Variants in TENM3 observed in about 807,000 individuals in gnomAD.
TENM3 encodes teneurin transmembrane protein 3, also known as teneurin-3.
In TENM3, 63 loss-of-function variants were observed where a neutral mutation model predicts 255.1. The observed-to-expected ratio is 0.25, with a 90% confidence interval of 0.20 to 0.30. The LOEUF (loss-of-function observed/expected upper bound fraction) is 0.30, where lower values mean the gene tolerates loss of function less well. Among genes scored for constraint, TENM3 ranks in the 10% least tolerant of loss-of-function variants. The pLI, the probability that TENM3 is intolerant of heterozygous loss-of-function variation, is 1.00. For synonymous variants in TENM3, 1,306 were observed against 1,322.3 expected (o/e 0.99, Z 0.27); for missense variants, 2,929 against 3,461.1 (o/e 0.85, Z 3.86).
the TENM3 span, among the ~76,000 whole-genome samples, chr4:181,896,391 A>T: frequency 2.0e-5 from 3 of 152,168 alleles, no homozygotes; most frequent in Admixed American, 6.5e-5. Flanking sequence ...AAACTTTGTG[A>T]TTCTGAGATA....
intron 3 of TENM3, among the ~76,000 whole-genome samples, chr4:182,454,550 C>T (rs1230950654): frequency 6.6e-6 from 1 of 152,116 alleles, no homozygotes; most frequent in African/African-American, 2.4e-5. Context: ...TTGCCAACCT[C>T]GATTTTAGCA....
rs200321926 is a variant in TENM3, at chr4:182,698,749, AAGAC to A, written c.2221+10401_2221+10404del. 2.3e-4 allele frequency among the ~76,000 whole-genome samples: 35 copies of A among 152,312 alleles called. No individual in the cohort carries two copies. In the East Asian group the frequency reaches 5.2e-3, roughly 23 times the overall value. On this transcript the variant is annotated intron_variant, in intron 12 of 27. Coordinates refer to ENST00000511685, the MANE Select transcript of TENM3 (RefSeq NM_001080477.4). ...CATGCCGTAATTTATCCTCATGAAAAAGACAGGCAGCAGCATAGTCATCAGCTAG... is the reference window on the plus strand; with the variant it reads ...CATGCCGTAATTTATCCTCATGAAAAAGGCAGCAGCATAGTCATCAGCTAG...
At chr4:181,558,057 G>GT in the TENM3 span, among the ~76,000 whole-genome samples, 1 of 152,184 alleles carries the variant, frequency 6.6e-6, no homozygotes, top group African/African-American at 2.4e-5. Flanking sequence ...TTCCAAAGCA[G>GT]TTGGGAGATG....
chr4:181,566,263 C>A, the TENM3 span, among the ~76,000 whole-genome samples: 3 of 152,146 alleles, frequency 2.0e-5, no homozygotes, highest in African/African-American at 7.2e-5. Context: ...AGAACACTTA[C>A]TAATATGCAA....
At chr4:181,657,359 G>A in the TENM3 span, among the ~76,000 whole-genome samples, 29 of 152,186 alleles carry the variant, frequency 1.9e-4, no homozygotes, top group African/African-American at 6.5e-4. Flanking sequence ...ACAGGCAAAG[G>A]ACATGAACAG....
At chr4:181,638,932 T>A in the TENM3 span, among the ~76,000 whole-genome samples, 1 of 152,236 alleles carries the variant, frequency 6.6e-6, no homozygotes, top group East Asian at 1.9e-4. Context: ...GAAAGACTGT[T>A]CATGCATGAA....
chr4:182,137,854 G>A, the TENM3 span, among the ~76,000 whole-genome samples: 1 of 152,148 alleles, frequency 6.6e-6, no homozygotes, highest in East Asian at 1.9e-4. Context: ...CAAAGTCTAA[G>A]CTCTAAATTT....
At chr4:182,366,464 A>G (rs531372435) in intron 3 of TENM3, among the ~76,000 whole-genome samples, 1 of 149,548 alleles carries the variant, frequency 6.7e-6, no homozygotes, top group East Asian at 1.9e-4. Flanking sequence ...GAATTTTGTA[A>G]TGTAATAGTT....
chr4:181,531,583 G>A, the TENM3 span, among the ~76,000 whole-genome samples: 5 of 152,178 alleles, frequency 3.3e-5, no homozygotes, highest in Admixed American at 2.0e-4. Flanking sequence ...TCTAGACACT[G>A]TGGAAAGCTC....
chr4:181,988,094 C>T, the TENM3 span, among the ~76,000 whole-genome samples: 1 of 151,996 alleles, frequency 6.6e-6, no homozygotes, highest in Admixed American at 6.6e-5. Flanking sequence ...AGGATCTGTC[C>T]CTCGCCTCTC....
chr4:182,346,548 T>A (rs1458650521), intron 2 of TENM3, 103 bp from the exon 3 acceptor site: 9 of 1,062,384 alleles, frequency 8.5e-6, no homozygotes, highest in African/African-American at 1.6e-5. Flanking sequence ...CCTAAATGTT[T>A]GAGTGTTTAT....
At chr4:182,596,764 G>C (rs1398149646) in intron 3 of TENM3, among the ~76,000 whole-genome samples, 1 of 152,136 alleles carries the variant, frequency 6.6e-6, no homozygotes, top group Admixed American at 6.5e-5. Context: ...AGTTTGATAG[G>C]CACTAGAAAG....
chr4:182,298,292 G>C (rs1761624617), intron 1 of TENM3, among the ~76,000 whole-genome samples: 1 of 152,152 alleles, frequency 6.6e-6, no homozygotes, highest in Non-Finnish European at 1.5e-5. Context: ...TAGTCCCTGA[G>C]AAATAGTTGT....
the TENM3 span, among the ~76,000 whole-genome samples, chr4:181,829,278 C>A: frequency 2.0e-5 from 3 of 152,160 alleles, no homozygotes; most frequent in Non-Finnish European, 4.4e-5. Flanking sequence ...TTCCTGTTTT[C>A]TAGATTTTAC....
chr4:181,595,259 C>G, the TENM3 span, among the ~76,000 whole-genome samples: 1 of 151,790 alleles, frequency 6.6e-6, no homozygotes, highest in African/African-American at 2.4e-5. Flanking sequence ...GGTGAAACCC[C>G]ATCTGTACTA....
chr4:181,520,542 TAAAAC>T, the TENM3 span, among the ~76,000 whole-genome samples: 2 of 151,170 alleles, frequency 1.3e-5, no homozygotes, highest in East Asian at 3.9e-4. Flanking sequence ...CAAAACAAAA[TAAAAC>T]AAACAAAAAA....
chr4:182,137,876 A>G, the TENM3 span, among the ~76,000 whole-genome samples: 1 of 152,328 alleles, frequency 6.6e-6, no homozygotes, highest in Non-Finnish European at 1.5e-5. Flanking sequence ...ATATTCAGAA[A>G]TAGGGGAAAG....
the TENM3 span, among the ~76,000 whole-genome samples, chr4:181,614,245 A>T: frequency 3.3e-5 from 5 of 152,252 alleles, no homozygotes; most frequent in South Asian, 1.0e-3. Flanking sequence ...AGCTATTATG[A>T]CTATCAGTTT....
At chr4:181,973,588 A>AGG in the TENM3 span, among the ~76,000 whole-genome samples, 1 of 151,886 alleles carries the variant, frequency 6.6e-6, no homozygotes, top group Non-Finnish European at 1.5e-5. Context: ...CTGTCTCTAC[A>AGG]AGAAAAAAAA....
Sources: gnomAD v4.1 joint callset for allele counts (sites outside exome capture counted in the v4.1 genomes callset) on GRCh38, gnomAD v4.1.1 for gene constraint, MANE v1.5 for transcripts, NCBI Gene and HGNC (gene_info 2026-07-23, HGNC 2026-07-21) for gene names.